LRRIQ1: variants seen among roughly 807,000 people sequenced by gnomAD.
LRRIQ1 encodes leucine rich repeats and IQ motif containing 1.
A neutral mutation model predicts 211.9 loss-of-function variants in LRRIQ1; 210 were observed. The ratio of observed to expected loss-of-function variants is 0.99; its 90% CI spans 0.89 to 1.11. LRRIQ1 has a LOEUF of 1.11. LRRIQ1 is among the 50% of genes most tolerant of loss of function. The probability of loss-of-function intolerance (pLI) is 0.00; values close to 1 mark genes in which losing one functional copy is unlikely to be tolerated. For synonymous variants in LRRIQ1, 699 were observed against 650.1 expected, an observed-to-expected ratio of 1.08 and a Z score of -1.14; for missense variants, 2,136 against 1,939.5, an observed-to-expected ratio of 1.10 and a Z score of -1.90.
chr12:85,037,446 A>G (rs995850685), intron 1 of LRRIQ1, among the ~76,000 whole-genome samples: 1 of 151,800 alleles, frequency 6.6e-6, no homozygotes, highest in Non-Finnish European at 1.5e-5. Context: ...TTGCAGGATA[A>G]TATTTTGCCC....
rs991893487 is a variant in LRRIQ1 at position 85,103,681 on chromosome 12, ACTTATT to A, written c.3210-316_3210-311del. ...AAACAAAATAATCAGAAGAAAACAC[ACTTATT>A]CTTATTTAAATAGCGAATACACATG... On this transcript the variant is annotated intron_variant, in intron 13 of 26. Transcript: ENST00000393217. Among the ~76,000 whole-genome samples, 123 of 151,918 alleles carry A rather than the reference ACTTATT, an allele frequency of 8.1e-4. 1 individual carries two copies. Among genetic ancestry groups the A allele is most frequent in the Admixed American group, 7.5e-3 (115 of 15,252 alleles).
downstream of LRRIQ1, among the ~76,000 whole-genome samples, chr12:85,246,413 A>G (rs1229507152): frequency 6.6e-6 from 1 of 151,416 alleles, no homozygotes; most frequent in African/African-American, 2.4e-5. Flanking sequence ...CTCATATGAT[A>G]TCACTTTGGA....
intron 24 of LRRIQ1, among the ~76,000 whole-genome samples, chr12:85,192,929 A>ATAAATATATAGTTATATT (rs1565894754): frequency 1.1e-5 from 1 of 93,984 alleles, no homozygotes; most frequent in African/African-American, 4.4e-5. Flanking sequence ...ATAATTATAT[A>ATAAATATATAGTTATATT]ATATAATTAT....
intron 24 of LRRIQ1, among the ~76,000 whole-genome samples, chr12:85,199,554 T>G (rs562131211): frequency 1.3e-5 from 2 of 152,242 alleles, no homozygotes; most frequent in South Asian, 4.1e-4. Flanking sequence ...GTTCTCCCAC[T>G]GCAATGAAGA....
chr12:85,106,272 A>G (rs539958062), intron 14 of LRRIQ1, among the ~76,000 whole-genome samples: 99 of 152,310 alleles, frequency 6.5e-4, no homozygotes, highest in African/African-American at 2.3e-3. Context: ...ACCCTATAAG[A>G]CAGATATGAA....
At chr12:85,267,106 A>G (rs907480491), downstream of LRRIQ1, among the ~76,000 whole-genome samples, 6 of 152,084 alleles carry the variant, frequency 3.9e-5, no homozygotes, top group Admixed American at 3.9e-4. Flanking sequence ...AATACGTCTG[A>G]AAAGTAATTT....
chr12:85,153,783 A>G (rs1348048680), intron 22 of LRRIQ1, 25 bp downstream of exon 22: 2 of 1,368,740 alleles, frequency 1.5e-6, no homozygotes, highest in Non-Finnish European at 2.0e-6. Context: ...TGACACTAAT[A>G]AATTAAAAAA....
chr12:85,079,591 C>T (rs773044249), intron 11 of LRRIQ1, among the ~76,000 whole-genome samples: 57 of 152,072 alleles, frequency 3.7e-4, no homozygotes, highest in Non-Finnish European at 5.7e-4. Context: ...TTTTGTAACA[C>T]GAAAATTTGT....
chr12:85,103,395 T>C (rs560913545), intron 13 of LRRIQ1, among the ~76,000 whole-genome samples: 13 of 151,804 alleles, frequency 8.6e-5, no homozygotes, highest in African/African-American at 3.1e-4. Context: ...TTTATTTACA[T>C]ATTGAGTATA....
At chr12:85,149,567 G>A (rs1890104481) in intron 19 of LRRIQ1, among the ~76,000 whole-genome samples, 1 of 151,746 alleles carries the variant, frequency 6.6e-6, no homozygotes, top group South Asian at 2.1e-4. Context: ...GCAGTGGTAA[G>A]CATGATATAT....
At chr12:85,144,842 G>C (rs1507216) in intron 19 of LRRIQ1, among the ~76,000 whole-genome samples, 33,247 of 151,482 alleles carry the variant, frequency 0.22, 4,322 homozygotes, top group Admixed American at 0.31. Flanking sequence ...ATTACTTCAT[G>C]TGACCTATCT....
At chr12:85,105,906 C>T (rs1886749375) in intron 14 of LRRIQ1, among the ~76,000 whole-genome samples, 1 of 150,398 alleles carries the variant, frequency 6.6e-6, no homozygotes, top group South Asian at 2.1e-4. Context: ...AAGTGATTCT[C>T]CTGCCTCAGC....
chr12:85,143,692 T>C (rs774095925), intron 19 of LRRIQ1, among the ~76,000 whole-genome samples: 3 of 151,624 alleles, frequency 2.0e-5, no homozygotes, highest in Non-Finnish European at 4.4e-5. Flanking sequence ...ATAAAATTCC[T>C]AATTGATTCT....
intron 11 of LRRIQ1, among the ~76,000 whole-genome samples, chr12:85,093,834 C>T (rs981616941): frequency 6.6e-6 from 1 of 152,124 alleles, no homozygotes; most frequent in Admixed American, 6.6e-5. Context: ...TGAGCCAAGG[C>T]CTCCTTTCTC....
chr12:85,139,438 A>G (rs1889362636), intron 19 of LRRIQ1, among the ~76,000 whole-genome samples: 1 of 151,492 alleles, frequency 6.6e-6, no homozygotes, highest in Non-Finnish European at 1.5e-5. Context: ...AATGGAAGTA[A>G]TATCACTACG....
intron 10 of LRRIQ1, among the ~76,000 whole-genome samples, chr12:85,072,651 T>C (rs1883215624): frequency 6.6e-6 from 1 of 152,008 alleles, no homozygotes; most frequent in Non-Finnish European, 1.5e-5. Flanking sequence ...TTATGTTTTT[T>C]TCATTCTCTC....
At chr12:85,230,915 A>G (rs1894905346) in intron 25 of LRRIQ1, among the ~76,000 whole-genome samples, 1 of 151,878 alleles carries the variant, frequency 6.6e-6, no homozygotes, top group Non-Finnish European at 1.5e-5. Context: ...CGGGCGCGGT[A>G]GGGGGCGCCT....
intron 8 of LRRIQ1, among the ~76,000 whole-genome samples, chr12:85,060,020 T>C (rs189089065): frequency 1.2e-4 from 19 of 152,140 alleles, no homozygotes; most frequent in Admixed American, 1.1e-3. Context: ...TAATTTTATT[T>C]CTGCCACTTA....
Position 85,056,864 on chromosome 12 carries a change from A to C in LRRIQ1, c.2071A>C (p.Asn691His). Residue 691 changes from asparagine to histidine, a missense_variant, in exon 8 of 27, where the codon AAT (asparagine) becomes CAT (histidine). Transcript: ENST00000393217. ...HAPCEGLSNY[N>H]AESSMVSKEV... ...TCCTTGTGAGGGCTTGAGTAACTAT[A>C]ATGCAGAAAGCTCCATGGTATCTAA... 1 of 1,613,474 alleles carries C rather than the reference A, an allele frequency of 6.2e-7. No homozygotes were observed. Among genetic ancestry groups the C allele is most frequent in the Non-Finnish European group, 8.5e-7 (1 of 1,179,610 alleles).
Sources: allele counts gnomAD v4.1 joint callset (sites outside exome capture counted in the v4.1 genomes callset), GRCh38; gene constraint gnomAD v4.1.1; transcripts MANE v1.5; gene names NCBI Gene and HGNC (gene_info 2026-07-23, HGNC 2026-07-21).